RTTN: variants seen among roughly 807,000 people sequenced by gnomAD.
RTTN encodes the protein rotatin.
Under a neutral mutation model 269.2 loss-of-function variants are expected in RTTN, and 182 were observed. The observed-to-expected ratio is 0.68, with a 90% CI of 0.60 to 0.76. The LOEUF is 0.76. RTTN is among the 30% of genes least tolerant of loss of function. The probability of loss-of-function intolerance (pLI) is 0.00; values close to 1 mark genes in which losing one functional copy is unlikely to be tolerated. For missense variants in RTTN, 2,545 were observed against 2,608.6 expected, an observed-to-expected ratio of 0.98 and a Z score of 0.53; for synonymous variants, 1,006 against 963.5, an observed-to-expected ratio of 1.04 and a Z score of -0.82.
In RTTN at chr18:70,188,108, C is replaced by G. The variant is rs769538499; in HGVS notation, c.1305G>C (p.Met435Ile). Residue 435 changes from methionine (M) to isoleucine (I), a missense_variant and splice_region_variant, in exon 10 of 49, where the codon ATG (methionine) becomes ATC (isoleucine). Coordinates refer to ENST00000640769, the MANE Select transcript of RTTN (RefSeq NM_173630.4). ...WDDSSLFGID[M>I]KEKLLLVLGA... ...TCCCAAAGAAAACATTGATTCTTAC[C>G]ATATCTATACCAAAAAGGCTGCTGT... 26 of 1,542,194 alleles carry G rather than the reference C, an allele frequency of 1.7e-5. No individual in the cohort carries two copies. The highest frequency in any genetic ancestry group is 3.5e-4 in the Middle Eastern group (2 of 5,782).
intron 10 of RTTN, among the ~76,000 whole-genome samples, chr18:70,178,977 C>A (rs933214274): frequency 3.3e-5 from 5 of 152,010 alleles, no homozygotes; most frequent in African/African-American, 1.2e-4. Context: ...TAGACATAAA[C>A]TTTGAACACT....
In RTTN at chr18:70,204,156, C is replaced by A. The variant is rs1388751273; in HGVS notation, c.327G>T (p.Leu109=). Residue 109 remains leucine (L), a synonymous_variant, in exon 3 of 49, where the codon CTG becomes CTT. Transcript: ENST00000640769. ...PNLQAEIDGI[L]DGLFLLPSEV... is the part of the protein sequence containing the mutation. ...CCGAAGGAAGAAGAAAAAGTCCATC[C>A]AGAATGCCATCAATTTCAGCCTGCA... 1 of 1,614,072 alleles carries A rather than the reference C, an allele frequency of 6.2e-7. No individual in the cohort carries two copies. Among genetic ancestry groups the A allele is most frequent in the South Asian group, 1.1e-5 (1 of 91,080 alleles).
rs2056088226 is a variant in RTTN at position 70,003,119 on chromosome 18, C to T, written c.*1032G>A. The T allele has an allele frequency of 6.7e-6, 1 of 148,890 alleles. No individual in the cohort carries two copies. The highest frequency in any genetic ancestry group is 6.8e-5 in the Admixed American group (1 of 14,728). The allele number at this position is 148,890 out of a possible 1,614,324, so 9.2% of individuals were successfully genotyped here. A position where few individuals can be genotyped will look rare whatever the true frequency, so the allele number is the denominator to read the frequency against. ...TGGCATGATCTCAGCTCACTGCAACCTCCCTGCCTCCCAGGTTGAAGAGAT... is the reference window on the plus strand; with the variant it reads ...TGGCATGATCTCAGCTCACTGCAACTTCCCTGCCTCCCAGGTTGAAGAGAT... On this transcript the variant is annotated 3_prime_UTR_variant, in exon 49 of 49. Transcript: ENST00000640769.
chr18:70,076,507 A>G (rs1362766710), intron 32 of RTTN, among the ~76,000 whole-genome samples: 1 of 152,052 alleles, frequency 6.6e-6, no homozygotes, highest in Non-Finnish European at 1.5e-5. Context: ...TCACAAGTTA[A>G]AGGCACGATT....
rs2057676004 is a variant in RTTN at position 70,051,731 on chromosome 18, T to TTCTTAATA, written c.5186-184_5186-183insTATTAAGA. The stretch of plus-strand genomic sequence containing the variant: ...TTTCAATTAACTTCTTTTCCATTGC[T>TTCTTAATA]TCTTAAGATATCTCCCCTCCACCCT... On this transcript the variant is annotated intron_variant, in intron 38 of 48. Transcript: ENST00000640769. 2.0e-5 allele frequency among the ~76,000 whole-genome samples: 3 copies of TTCTTAATA among 152,302 alleles called. No individual in the cohort carries two copies. In the East Asian group the frequency reaches 5.8e-4, roughly 29 times the overall value.
chr18:70,096,564 G>C (rs944892661), intron 28 of RTTN, among the ~76,000 whole-genome samples: 3 of 152,162 alleles, frequency 2.0e-5, no homozygotes, highest in African/African-American at 7.2e-5. Flanking sequence ...CTCTGCTGCT[G>C]GTCTGCTGGA....
chr18:70,133,533 A>G (rs1490630069), intron 23 of RTTN, among the ~76,000 whole-genome samples: 1 of 152,214 alleles, frequency 6.6e-6, no homozygotes, highest in Admixed American at 6.6e-5. Context: ...ATTCTTAGAC[A>G]GAATACTACA....
At chr18:70,202,564 C>CT (rs2061979376) in intron 3 of RTTN, among the ~76,000 whole-genome samples, 1 of 152,238 alleles carries the variant, frequency 6.6e-6, no homozygotes, top group Non-Finnish European at 1.5e-5. Flanking sequence ...CATTCCTCTA[C>CT]TTTCACCCGC....
chr18:70,160,694 GC>G (rs2060804973), intron 14 of RTTN, among the ~76,000 whole-genome samples: 1 of 147,474 alleles, frequency 6.8e-6, no homozygotes, highest in African/African-American at 2.5e-5. Context: ...CATATTCTCT[GC>G]CCAAAAGTTC....
Position 70,086,590 on chromosome 18 carries a change from G to T in RTTN, c.4374+23C>A, listed in dbSNP as rs756855224. The T allele has an allele frequency of 4.9e-6, 7 of 1,440,312 alleles. No homozygotes were observed. In the African/African-American group the frequency reaches 7.3e-5, roughly 15 times the overall value. 89.2% of individuals were successfully genotyped at this position (1,440,312 alleles called of 1,614,324 possible). ...ATTAATTTGAAACATCTACTAGGTT[G>T]ATAATTGTTTAAAATCACCCACCTG... On this transcript the variant is annotated intron_variant, in intron 32 of 48. Transcript: ENST00000640769.
intron 23 of RTTN, among the ~76,000 whole-genome samples, chr18:70,132,186 G>T (rs2060014562): frequency 6.6e-6 from 1 of 152,058 alleles, no homozygotes; most frequent in South Asian, 2.1e-4. Context: ...CAGCCAGAAT[G>T]ACAATGTCAT....
chr18:70,031,209 C>A, intron 40 of RTTN: 2 of 530,636 alleles, frequency 3.8e-6, no homozygotes, highest in African/African-American at 1.9e-5. Flanking sequence ...AAAGACTCAT[C>A]ATCTACAGAA....
rs531741265 is a variant in RTTN at position 70,086,694 on chromosome 18, TAAAAAAAAAAAAAAAAAAAAAA to T, written c.4303-32_4303-11del. On this transcript the variant is annotated splice_polypyrimidine_tract_variant and intron_variant, in intron 31 of 48. Coordinates refer to ENST00000640769, the MANE Select transcript of RTTN (RefSeq NM_173630.4). ...GAAGAATAAATGCCGCCTGAAAATG[TAAAAAAAAAAAAAAAAAAAAAA>T]AAAAAAAAAAAAAAAAAGGTCAATA... 8.4e-5 allele frequency: 41 copies of T among 487,714 alleles called. 1 individual carries two copies. Among genetic ancestry groups the T allele is most frequent in the African/African-American group, 5.5e-4 (12 of 21,676 alleles). 30.2% of individuals were successfully genotyped at this position (487,714 alleles called of 1,614,324 possible).
intron 20 of RTTN, 149 bp from the exon 21 acceptor site, chr18:70,139,865 C>G: frequency 1.6e-6 from 1 of 633,536 alleles, no homozygotes; most frequent in East Asian, 2.8e-5. Context: ...GAATTACTTT[C>G]CACTGAAAGT....
intron 1 of RTTN, 114 bp downstream of exon 1, chr18:70,205,514 G>T: frequency 1.4e-6 from 2 of 1,436,574 alleles, no homozygotes; most frequent in Non-Finnish European, 9.8e-7. Context: ...ACAAAGCGGG[G>T]GTGAAAGAGG....
chr18:70,037,899 C>T (rs572337377), intron 40 of RTTN, among the ~76,000 whole-genome samples: 2 of 152,160 alleles, frequency 1.3e-5, no homozygotes, highest in African/African-American at 2.4e-5. Context: ...AGGGTGAGCC[C>T]CAGGTCTGGC....
At chr18:70,115,506 C>T (rs2059581615) in intron 26 of RTTN, among the ~76,000 whole-genome samples, 1 of 120,370 alleles carries the variant, frequency 8.3e-6, no homozygotes, top group Non-Finnish European at 1.8e-5. Flanking sequence ...TCTATGATGC[C>T]TCAGGCACTG....
At chr18:70,012,962 AC>A (rs1185284342) in intron 46 of RTTN, among the ~76,000 whole-genome samples, 1 of 152,360 alleles carries the variant, frequency 6.6e-6, no homozygotes, top group East Asian at 1.9e-4. Context: ...CAAAAACAAA[AC>A]AAAAAAAGCT....
At chr18:70,148,034 T>A (rs188352397) in intron 17 of RTTN, among the ~76,000 whole-genome samples, 47 of 152,294 alleles carry the variant, frequency 3.1e-4, no homozygotes, top group Admixed American at 5.2e-4. Context: ...AAGACTATAA[T>A]TTTCCTCCTT....
Sources: gnomAD v4.1 joint callset for allele counts (sites outside exome capture counted in the v4.1 genomes callset) on GRCh38, gnomAD v4.1.1 for gene constraint, MANE v1.5 for transcripts, NCBI Gene and HGNC (gene_info 2026-07-23, HGNC 2026-07-21) for gene names.